Variants in MLLT10 observed in about 807,000 individuals in gnomAD.
MLLT10 encodes the protein MLLT10 histone lysine methyltransferase DOT1L cofactor.
In MLLT10, 30 loss-of-function variants were observed where a neutral mutation model predicts 129.1. The observed-to-expected ratio is 0.23, with a 90% CI of 0.17 to 0.32. The LOEUF is 0.32. Ranked by LOEUF, MLLT10 falls within the 10% of genes least tolerant of loss-of-function variation. MLLT10 has a pLI of 1.00. For missense variants in MLLT10, 1,119 were observed against 1,268.3 expected (o/e 0.88, Z 1.79); for synonymous variants, 490 against 446.4 (o/e 1.10, Z -1.23).
At chr10:21,553,542 G>C (rs1269547561) in intron 3 of MLLT10, among the ~76,000 whole-genome samples, 1 of 151,676 alleles carries the variant, frequency 6.6e-6, no homozygotes, top group African/African-American at 2.4e-5. Context: ...GGCCAGGCTG[G>C]TCTCAAACTC....
chr10:21,643,309 A>C (rs1175979746), intron 8 of MLLT10, among the ~76,000 whole-genome samples: 1 of 152,212 alleles, frequency 6.6e-6, no homozygotes, highest in African/African-American at 2.4e-5. Context: ...CTGGGGTTAC[A>C]GGTGTGAGCC....
At position 21,726,295 on chromosome 10, in the gene MLLT10, G is replaced by C. The variant is rs1034380690; in HGVS notation, c.1930G>C (p.Gly644Arg). 1 of 1,613,304 alleles carries C rather than the reference G, an allele frequency of 6.2e-7. No individual in the cohort carries two copies. Among genetic ancestry groups the C allele is most frequent in the East Asian group, 2.2e-5 (1 of 44,750 alleles). The change falls in exon 15 of 23, where the codon GGC becomes CGC. Residue 644 changes from glycine (G) to arginine (R), a missense_variant. This residue lies in a region of MLLT10 where 1,004 missense variants were observed against 1,008.7 expected (regional missense o/e 1.00). Coordinates refer to ENST00000307729, the MANE Select transcript of MLLT10 (RefSeq NM_001195626.3). ...CAGTCAGGCACCATCTCATATGTAT[G>C]GCAATAGATCAAATTCATCAATGGC... is the stretch of plus-strand genomic sequence containing the variant. ...SLSQAPSHMY[G>R]NRSNSSMAAL...
chr10:21,716,519 C>T lies in MLLT10; in HGVS notation c.1878+2569C>T, dbSNP rs576071418. 2.6e-5 allele frequency among the ~76,000 whole-genome samples: 4 copies of T among 152,002 alleles called. No homozygotes were observed. In the East Asian group the frequency reaches 7.8e-4, roughly 30 times the overall value. On this transcript the variant is annotated intron_variant, in intron 14 of 22. Coordinates refer to ENST00000307729, the MANE Select transcript of MLLT10 (RefSeq NM_001195626.3). Reference sequence around the variant, plus strand: ...ACCAGCCTGGCCAACATGGCGAAACCCTGTCTCTACTAAAAAATTCAAAAA... The same window carrying T: ...ACCAGCCTGGCCAACATGGCGAAACTCTGTCTCTACTAAAAAATTCAAAAA...
At position 21,733,795 on chromosome 10, in the gene MLLT10, A is replaced by G; in HGVS notation, c.2524A>G (p.Ser842Gly). 7 of 1,613,830 alleles carry G rather than the reference A, an allele frequency of 4.3e-6. No homozygotes were observed. Among genetic ancestry groups the G allele is most frequent in the Non-Finnish European group, 5.9e-6 (7 of 1,179,864 alleles). ...QDLTSSGQST[S>G]SSSALSTPPP... ...CTTAACCTCCAGTGGACAAAGTACC[A>G]GCAGCTCATCAGCTCTTTCTACCCC... is the stretch of plus-strand genomic sequence containing the variant. The change falls in exon 20 of 23, where the codon AGC (serine) becomes GGC (glycine). Residue 842 changes from serine to glycine, a missense_variant. Around this residue, in one of 5 missense-constraint regions of MLLT10, gnomAD observed 1,004 missense variants for 1,008.7 expected, o/e 1.00. Coordinates refer to ENST00000307729, the MANE Select transcript of MLLT10 (RefSeq NM_001195626.3).
chr10:21,591,247 C>T (rs1373432170), intron 4 of MLLT10, among the ~76,000 whole-genome samples: 8 of 152,038 alleles, frequency 5.3e-5, no homozygotes, highest in Non-Finnish European at 8.8e-5. Context: ...GTTGTAGAGA[C>T]GGGGTTTCAC....
chr10:21,739,792 A>G (rs1158763013), intron 21 of MLLT10, among the ~76,000 whole-genome samples: 2 of 152,204 alleles, frequency 1.3e-5, no homozygotes, highest in Non-Finnish European at 2.9e-5. Context: ...ATCATCACGG[A>G]TAACCTAATA....
chr10:21,627,052 A>T (rs1034607571), intron 8 of MLLT10, among the ~76,000 whole-genome samples: 15 of 151,730 alleles, frequency 9.9e-5, no homozygotes, highest in African/African-American at 1.5e-4. Flanking sequence ...TTTTTTTTTT[A>T]AACTTTTGGT....
chr10:21,586,919 G>T (rs1172539094), intron 4 of MLLT10, among the ~76,000 whole-genome samples: 2 of 151,596 alleles, frequency 1.3e-5, no homozygotes, highest in South Asian at 2.1e-4. Flanking sequence ...AATGGATATA[G>T]TTTCTTATGT....
At chr10:21,540,691 T>A (rs2034993416) in intron 3 of MLLT10, among the ~76,000 whole-genome samples, 1 of 152,238 alleles carries the variant, frequency 6.6e-6, no homozygotes, top group African/African-American at 2.4e-5. Flanking sequence ...TTTTAAAATC[T>A]TATTATATTT....
At chr10:21,554,455 ATT>A (rs1169101928) in intron 3 of MLLT10, among the ~76,000 whole-genome samples, 9 of 139,732 alleles carry the variant, frequency 6.4e-5, no homozygotes, top group Admixed American at 1.4e-4. Flanking sequence ...CTTCACTTAA[ATT>A]TTTTTTTTTT....
At chr10:21,698,692 T>C (rs1040004694) in intron 13 of MLLT10, among the ~76,000 whole-genome samples, 1 of 152,206 alleles carries the variant, frequency 6.6e-6, no homozygotes, top group Non-Finnish European at 1.5e-5. Context: ...TTCCTACCAA[T>C]AGTGTATAAG....
At position 21,550,981 on chromosome 10, in the gene MLLT10, C is replaced by T. The variant is rs999140226; in HGVS notation, c.240+12069C>T. Among the ~76,000 whole-genome samples the T allele has an allele frequency of 3.1e-4, 46 of 148,392 alleles. 1 individual carries two copies. Among genetic ancestry groups the T allele is most frequent in the African/African-American group, 6.0e-4 (24 of 39,934 alleles). On this transcript the variant is annotated intron_variant, in intron 3 of 22. Transcript: ENST00000307729. ...TGCTCTGTCACCCAGTGCAGTGGTA[C>T]GATCTTAGCTCACTGCAACCTCTGC... is the stretch of plus-strand genomic sequence containing the variant.
At chr10:21,603,833 T>G (rs1301545440) in intron 5 of MLLT10, among the ~76,000 whole-genome samples, 1 of 151,902 alleles carries the variant, frequency 6.6e-6, no homozygotes, top group Non-Finnish European at 1.5e-5. Flanking sequence ...TTTTGTTTTT[T>G]TTTTTTTAAT....
At chr10:21,596,831 G>A (rs2043062029) in intron 5 of MLLT10, among the ~76,000 whole-genome samples, 1 of 151,912 alleles carries the variant, frequency 6.6e-6, no homozygotes, top group Admixed American at 6.6e-5. Flanking sequence ...TTTGCTGTGT[G>A]TGTTTTTTCC....
chr10:21,630,291 G>A (rs2046878161), intron 8 of MLLT10, among the ~76,000 whole-genome samples: 1 of 152,258 alleles, frequency 6.6e-6, no homozygotes, highest in African/African-American at 2.4e-5. Context: ...GGAGATATTG[G>A]AGCATGGGCC....
intron 5 of MLLT10, among the ~76,000 whole-genome samples, chr10:21,611,362 G>GTT (rs879746203): frequency 2.1e-5 from 3 of 143,506 alleles, no homozygotes; most frequent in Non-Finnish European, 3.1e-5. Context: ...TAGATAATTA[G>GTT]TTTTTTTTTT....
intron 3 of MLLT10, among the ~76,000 whole-genome samples, chr10:21,560,027 C>T (rs994565868): frequency 2.0e-5 from 3 of 151,560 alleles, no homozygotes; most frequent in South Asian, 2.1e-4. Context: ...TTTCCTGAGA[C>T]GGAGTTTCAC....
intron 8 of MLLT10, among the ~76,000 whole-genome samples, chr10:21,619,134 T>C (rs1396918784): frequency 6.6e-6 from 1 of 152,128 alleles, no homozygotes. Flanking sequence ...GTGGTTTTGT[T>C]ATAAAGTGAC....
intron 7 of MLLT10, 149 bp from the exon 8 acceptor site, chr10:21,616,963 A>C (rs1288800987): frequency 9.7e-6 from 3 of 310,866 alleles, no homozygotes; most frequent in Non-Finnish European, 1.8e-5. Context: ...AATGGTGTCT[A>C]AACTGGATTA....
Sources: gnomAD v4.1 joint callset for allele counts (sites outside exome capture counted in the v4.1 genomes callset) on GRCh38, gnomAD v4.1.1 for gene constraint, gnomAD v4.1.1 regional missense constraint, MANE v1.5 for transcripts, NCBI Gene and HGNC (gene_info 2026-07-23, HGNC 2026-07-21) for gene names.